Variants in CTNNA3 observed in about 807,000 individuals in gnomAD.
The protein encoded by CTNNA3 is catenin alpha 3.
In CTNNA3, 76 loss-of-function variants were observed where a neutral mutation model predicts 95.7. That is an observed-to-expected ratio of 0.79 (90% CI 0.66 to 0.96). The LOEUF is 0.96. CTNNA3 is among the 40% of genes least tolerant of loss of function. The pLI, the probability that CTNNA3 is intolerant of heterozygous loss-of-function variation, is 0.00. For synonymous variants in CTNNA3, 431 were observed against 374.4 expected (o/e 1.15, Z -1.74); for missense variants, 1,191 against 1,089.8 (o/e 1.09, Z -1.31).
intron 1 of CTNNA3, among the ~76,000 whole-genome samples, chr10:67,676,417 G>A (rs1240130754): frequency 1.7e-4 from 26 of 152,118 alleles, no homozygotes; most frequent in Admixed American, 1.7e-3. Context: ...GTGTATATGT[G>A]GTAATAGCAG....
At chr10:66,371,739 G>T (rs570970370) in intron 12 of CTNNA3, among the ~76,000 whole-genome samples, 1 of 152,212 alleles carries the variant, frequency 6.6e-6, no homozygotes, top group East Asian at 1.9e-4. Flanking sequence ...ATATGCCAGT[G>T]TAAGAGTCTT....
At chr10:66,664,202 A>G (rs1846362416) in intron 9 of CTNNA3, among the ~76,000 whole-genome samples, 1 of 152,094 alleles carries the variant, frequency 6.6e-6, no homozygotes, top group Non-Finnish European at 1.5e-5. Context: ...TCTCCCCCAG[A>G]CACTTTTATA....
At chr10:67,304,585 C>T (rs1328712709) in intron 5 of CTNNA3, among the ~76,000 whole-genome samples, 1 of 152,032 alleles carries the variant, frequency 6.6e-6, no homozygotes, top group Non-Finnish European at 1.5e-5. Flanking sequence ...CTATTTACAA[C>T]TATTTTTGGT....
At chr10:67,479,271 C>T (rs1402614693) in intron 5 of CTNNA3, among the ~76,000 whole-genome samples, 1 of 152,080 alleles carries the variant, frequency 6.6e-6, no homozygotes, top group Non-Finnish European at 1.5e-5. Flanking sequence ...CAGAATATTC[C>T]ACTCAACAGC....
intron 7 of CTNNA3, among the ~76,000 whole-genome samples, chr10:66,952,623 T>A (rs1848592001): frequency 6.6e-6 from 1 of 152,008 alleles, no homozygotes; most frequent in African/African-American, 2.4e-5. Context: ...TTATAGAAGG[T>A]AAATCAATTA....
chr10:66,357,100 C>T (rs191900984), intron 12 of CTNNA3, among the ~76,000 whole-genome samples: 10 of 152,122 alleles, frequency 6.6e-5, no homozygotes, highest in African/African-American at 2.2e-4. Context: ...TTTGATCCCT[C>T]GGGTATTACT....
chr10:66,430,632 G>T (rs999950808), intron 11 of CTNNA3, among the ~76,000 whole-genome samples: 7 of 152,064 alleles, frequency 4.6e-5, no homozygotes, highest in Admixed American at 6.6e-5. Flanking sequence ...TGACAAACCT[G>T]ACAAAAACAA....
chr10:66,356,122 G>GTTTTTT (rs59366031), intron 12 of CTNNA3, among the ~76,000 whole-genome samples: 32 of 117,212 alleles, frequency 2.7e-4, no homozygotes, highest in East Asian at 1.4e-3. Flanking sequence ...TGCTTGTTTT[G>GTTTTTT]TTTTTTTTTT....
Position 66,941,973 on chromosome 10 carries a change from C to G in CTNNA3, c.1048-166449G>C, listed in dbSNP as rs772829088. 9.9e-5 allele frequency among the ~76,000 whole-genome samples: 15 copies of G among 152,072 alleles called. 1 individual carries two copies. The highest frequency in any genetic ancestry group is 6.2e-4 in the South Asian group (3 of 4,822). On this transcript the variant is annotated intron_variant, in intron 7 of 17. Transcript: ENST00000433211. ...TGATTTCATGGTGTAGGAGGGAGAT[C>G]GTAGACTTCGAATCCACTAGACCTG...
At chr10:66,685,233 A>G (rs1253433727) in intron 9 of CTNNA3, among the ~76,000 whole-genome samples, 3 of 139,340 alleles carry the variant, frequency 2.2e-5, no homozygotes, top group South Asian at 2.2e-4. Flanking sequence ...ATATATACGT[A>G]TATATGTGTG....
chr10:66,785,603 G>T (rs188921739), intron 7 of CTNNA3, among the ~76,000 whole-genome samples: 1 of 152,202 alleles, frequency 6.6e-6, no homozygotes, highest in East Asian at 1.9e-4. Context: ...TTTGGCCTTG[G>T]ACTGGGAGTT....
In CTNNA3 at chr10:66,326,976, A is replaced by T. The variant is rs74141446; in HGVS notation, c.1733-46355T>A. ...ACTTACATGTGCAAATACATAGAAA[A>T]GTTTAGTCAAACAGTTAGGCAGCTA... is the stretch of plus-strand genomic sequence containing the variant. On this transcript the variant is annotated intron_variant, in intron 12 of 17. Transcript: ENST00000433211. Among the ~76,000 whole-genome samples, 359 of 152,218 alleles carry T rather than the reference A, an allele frequency of 2.4e-3. 2 individuals carry two copies. The highest frequency in any genetic ancestry group is 8.1e-3 in the African/African-American group (338 of 41,566).
At chr10:66,138,204 T>C (rs1416048441) in intron 13 of CTNNA3, among the ~76,000 whole-genome samples, 1 of 152,164 alleles carries the variant, frequency 6.6e-6, no homozygotes, top group Non-Finnish European at 1.5e-5. Context: ...AGTTTGAAAC[T>C]TTCTCCTTGA....
At chr10:66,691,051 T>C (rs1847511889) in intron 9 of CTNNA3, among the ~76,000 whole-genome samples, 2 of 152,196 alleles carry the variant, frequency 1.3e-5, no homozygotes, top group East Asian at 1.9e-4. Context: ...GGGTGATTTC[T>C]GCATTTCCAT....
At chr10:67,571,065 A>T (rs1400437555) in intron 3 of CTNNA3, among the ~76,000 whole-genome samples, 1 of 152,202 alleles carries the variant, frequency 6.6e-6, no homozygotes, top group East Asian at 1.9e-4. Flanking sequence ...TTTATCTGGC[A>T]TTAATATGTG....
At chr10:67,116,133 G>A (rs1859175788) in intron 7 of CTNNA3, among the ~76,000 whole-genome samples, 1 of 151,530 alleles carries the variant, frequency 6.6e-6, no homozygotes, top group South Asian at 2.1e-4. Flanking sequence ...TTGCAGCAGT[G>A]GTATAATAAT....
At chr10:67,043,477 C>T (rs767079844) in intron 7 of CTNNA3, among the ~76,000 whole-genome samples, 57 of 152,130 alleles carry the variant, frequency 3.7e-4, no homozygotes, top group Non-Finnish European at 5.4e-4. Context: ...TCCTAAGCTG[C>T]ATGTCATTTA....
intron 14 of CTNNA3, among the ~76,000 whole-genome samples, chr10:66,084,148 G>GA (rs71474014): frequency 8.7e-4 from 98 of 112,200 alleles, no homozygotes; most frequent in South Asian, 2.5e-3. Flanking sequence ...AAAAAAAAAA[G>GA]AAAAAAAAAG....
chr10:66,038,427 A>G (rs1319830177), intron 15 of CTNNA3, among the ~76,000 whole-genome samples: 1 of 152,158 alleles, frequency 6.6e-6, no homozygotes, highest in Non-Finnish European at 1.5e-5. Context: ...TGATACCTAC[A>G]GTAGACCCCA....
Sources: gnomAD v4.1 joint callset for allele counts (sites outside exome capture counted in the v4.1 genomes callset) on GRCh38, gnomAD v4.1.1 for gene constraint, MANE v1.5 for transcripts, NCBI Gene and HGNC (gene_info 2026-07-23, HGNC 2026-07-21) for gene names.